Variants in LPP observed in about 807,000 individuals in gnomAD.
LPP encodes the protein lipoma-preferred partner.
Under a neutral mutation model 60.4 loss-of-function variants are expected in LPP, and 38 were observed. That is an observed-to-expected ratio of 0.63 (90% CI 0.49 to 0.83). LPP has a LOEUF of 0.83. Among genes scored for constraint, LPP ranks in the 40% least tolerant of loss-of-function variants. The pLI is 0.00. For synonymous variants in LPP, 328 were observed against 290.8 expected (o/e 1.13, Z -1.30); for missense variants, 902 against 783.6 (o/e 1.15, Z -1.80).
chr3:188,641,591 C>T (rs1381587980), intron 7 of LPP, among the ~76,000 whole-genome samples: 1 of 152,204 alleles, frequency 6.6e-6, no homozygotes, highest in South Asian at 2.1e-4. Context: ...ATCGGAGCAG[C>T]AGGATGCGTA....
chr3:188,804,165 ATTAT>A (rs1261736182), intron 9 of LPP, among the ~76,000 whole-genome samples: 9 of 143,896 alleles, frequency 6.3e-5, no homozygotes, highest in South Asian at 2.2e-4. Flanking sequence ...CTTTGCTAAA[ATTAT>A]TTATTCTAGT....
intron 9 of LPP, among the ~76,000 whole-genome samples, chr3:188,842,114 C>T (rs1269541767): frequency 6.6e-6 from 1 of 152,188 alleles, no homozygotes; most frequent in Non-Finnish European, 1.5e-5. Context: ...GGCTAATTTA[C>T]ATTCCCACCA....
At chr3:188,275,072 T>C (rs541945226) in intron 2 of LPP, among the ~76,000 whole-genome samples, 18 of 152,216 alleles carry the variant, frequency 1.2e-4, no homozygotes, top group Non-Finnish European at 2.2e-4. Context: ...GTCACCTCTA[T>C]TTTAGTTCTA....
At chr3:188,827,778 C>G (rs1342472429) in intron 9 of LPP, among the ~76,000 whole-genome samples, 1 of 152,162 alleles carries the variant, frequency 6.6e-6, no homozygotes, top group Non-Finnish European at 1.5e-5. Context: ...TGTTCTGAGC[C>G]AAGTGCCTGC....
chr3:188,446,446 T>C (rs1226657162), intron 4 of LPP, among the ~76,000 whole-genome samples: 1 of 152,258 alleles, frequency 6.6e-6, no homozygotes, highest in African/African-American at 2.4e-5. Context: ...AACCTGTTGG[T>C]TACTGTGTAT....
At chr3:188,683,356 G>T (rs2149385983) in intron 7 of LPP, among the ~76,000 whole-genome samples, 1 of 152,164 alleles carries the variant, frequency 6.6e-6, no homozygotes, top group Middle Eastern at 3.4e-3. Flanking sequence ...AGACACATTG[G>T]AGAACCCTAT....
At position 188,866,197 on chromosome 3, in the gene LPP, C is replaced by T; in HGVS notation, c.1411-3C>T. 6.8e-7 allele frequency: 1 copy of T among 1,461,894 alleles called. No individual in the cohort carries two copies. The highest frequency in any genetic ancestry group is 1.5e-5 in the South Asian group (1 of 67,818). 90.6% of individuals were successfully genotyped at this position (1,461,894 alleles called of 1,614,324 possible). On this transcript the variant is annotated splice_region_variant and splice_polypyrimidine_tract_variant and intron_variant, in intron 9 of 11. Transcript: ENST00000617246. ...CTGACGTGGTTTCTGTTTCCTTCCC[C>T]AGAATACTCTGGAGCAGTGCAATGT...
chr3:188,274,576 A>G (rs1739002843), intron 2 of LPP, among the ~76,000 whole-genome samples: 1 of 152,028 alleles, frequency 6.6e-6, no homozygotes, highest in Admixed American at 6.5e-5. Flanking sequence ...GTCAAGTGTG[A>G]TGAATTGGTA....
intron 1 of LPP, among the ~76,000 whole-genome samples, chr3:188,157,845 A>G (rs1369158355): frequency 6.6e-6 from 1 of 152,078 alleles, no homozygotes; most frequent in Admixed American, 6.6e-5. Context: ...GGAGTTGTCC[A>G]GGTGGAAGAA....
intron 7 of LPP, among the ~76,000 whole-genome samples, chr3:188,622,110 G>T (rs1227699583): frequency 6.6e-6 from 1 of 152,192 alleles, no homozygotes; most frequent in East Asian, 1.9e-4. Context: ...TAGAGATTCT[G>T]TTGGTCTCAT....
In LPP at chr3:188,466,804, A is replaced by AATATATATATATATATATATATAT. The variant is rs375483583; in HGVS notation, c.194-17787_194-17786insTATATATATATATATATATATATA. Among the ~76,000 whole-genome samples, 88 of 72,940 alleles carry AATATATATATATATATATATATAT rather than the reference A, an allele frequency of 1.2e-3. 23 individuals are homozygous for AATATATATATATATATATATATAT. The highest frequency in any genetic ancestry group is 1.4e-3 in the Non-Finnish European group (52 of 37,024). 47.9% of individuals were successfully genotyped at this position (72,940 alleles called of 152,430 possible). On this transcript the variant is annotated intron_variant, in intron 4 of 11. Coordinates refer to ENST00000617246, the MANE Select transcript of LPP (RefSeq NM_001375462.1). Reference sequence around the variant, plus strand: ...AAAAAAGTGGTTTCTGTCATCTCAGAACATATATATATATATATATATATA... The same window carrying AATATATATATATATATATATATAT: ...AAAAAAGTGGTTTCTGTCATCTCAGAATATATATATATATATATATATATACATATATATATATATATATATATA...
intron 8 of LPP, among the ~76,000 whole-genome samples, chr3:188,728,088 A>G (rs1284104637): frequency 6.6e-6 from 1 of 152,130 alleles, no homozygotes; most frequent in African/African-American, 2.4e-5. Context: ...GCTTTATCAC[A>G]TTCAAAACTA....
chr3:188,198,360 A>G (rs1269434990), intron 1 of LPP, among the ~76,000 whole-genome samples: 2 of 152,246 alleles, frequency 1.3e-5, no homozygotes, highest in Non-Finnish European at 2.9e-5. Flanking sequence ...AATGTTTTCT[A>G]ACTACCTGCT....
chr3:188,159,546 G>A (rs1717554273), intron 1 of LPP, among the ~76,000 whole-genome samples: 1 of 152,150 alleles, frequency 6.6e-6, no homozygotes. Context: ...GCTTGTTGAT[G>A]GCTGTATTCC....
rs571457306 is a variant in LPP, at chr3:188,361,260, C to T, written c.-10+19541C>T. Among the ~76,000 whole-genome samples the T allele has an allele frequency of 3.3e-5, 5 of 152,280 alleles. No individual in the cohort carries two copies. In the South Asian group the frequency reaches 1.0e-3, roughly 32 times the overall value. ...TATTACTTTCATATTCTGAACTTCT[C>T]ATGTACACTTGAAAAGAGTCATGAA... On this transcript the variant is annotated intron_variant, in intron 3 of 11. Coordinates refer to ENST00000617246, the MANE Select transcript of LPP (RefSeq NM_001375462.1).
At chr3:188,607,080 T>A (rs564223444) in intron 6 of LPP, among the ~76,000 whole-genome samples, 11 of 150,816 alleles carry the variant, frequency 7.3e-5, no homozygotes, top group Admixed American at 2.0e-4. Flanking sequence ...AACTTTTTTT[T>A]TATAAGTTTC....
intron 9 of LPP, among the ~76,000 whole-genome samples, chr3:188,809,862 A>T (rs902250272): frequency 1.3e-5 from 2 of 151,958 alleles, no homozygotes; most frequent in Non-Finnish European, 2.9e-5. Context: ...TTTGTGTAAG[A>T]TGTGAGGAAG....
rs909453375 is a variant in LPP, at chr3:188,877,541, T to C, written c.*3062T>C. 3 of 187,202 alleles carry C rather than the reference T, an allele frequency of 1.6e-5. No homozygotes were observed. Among genetic ancestry groups the C allele is most frequent in the African/African-American group, 2.3e-5 (1 of 42,746 alleles). 11.6% of individuals were successfully genotyped at this position (187,202 alleles called of 1,614,324 possible). On this transcript the variant is annotated 3_prime_UTR_variant, in exon 12 of 12. Transcript: ENST00000617246. ...CATGGAGTCTCACTGGCCAAGAAAA[T>C]TGCCTTTAAAACTCGAAAATAAGGC...
intron 4 of LPP, among the ~76,000 whole-genome samples, chr3:188,411,973 G>C (rs374314586): frequency 1.3e-5 from 2 of 149,844 alleles, no homozygotes; most frequent in African/African-American, 2.4e-5. Flanking sequence ...CTCTTTCTCT[G>C]TCTCTCTCTC....
Sources: allele counts gnomAD v4.1 joint callset (sites outside exome capture counted in the v4.1 genomes callset), GRCh38; gene constraint gnomAD v4.1.1; transcripts MANE v1.5; gene names NCBI Gene and HGNC (gene_info 2026-07-23, HGNC 2026-07-21).